Variants in TET3 observed in about 807,000 individuals in gnomAD.
TET3 encodes methylcytosine dioxygenase TET3.
A neutral mutation model predicts 141.4 loss-of-function variants in TET3; 19 were observed. The ratio of observed to expected loss-of-function variants is 0.13; its 90% CI spans 0.09 to 0.20. The LOEUF (loss-of-function observed/expected upper bound fraction) is 0.20. Ranked by LOEUF, TET3 falls within the 10% of genes least tolerant of loss-of-function variation. TET3 has a pLI of 1.00. For synonymous variants in TET3, 1,043 were observed against 980.9 expected (o/e 1.06, Z -1.18); for missense variants, 1,874 against 2,356.9 (o/e 0.80, Z 4.24).
At chr2:73,988,933 T>A (rs1444201768) in intron 2 of TET3, among the ~76,000 whole-genome samples, 2 of 149,564 alleles carry the variant, frequency 1.3e-5, no homozygotes, top group African/African-American at 5.0e-5. Flanking sequence ...TTTTTTTAAG[T>A]CTTAGCTTGG....
chr2:74,025,523 G>A (rs1031056849), intron 3 of TET3, among the ~76,000 whole-genome samples: 16 of 151,986 alleles, frequency 1.1e-4, no homozygotes, highest in African/African-American at 2.4e-5. Flanking sequence ...TCCTGATGTC[G>A]TGATCCGCTG....
At chr2:74,024,686 C>T (rs888852025) in intron 3 of TET3, among the ~76,000 whole-genome samples, 11 of 152,210 alleles carry the variant, frequency 7.2e-5, no homozygotes, top group South Asian at 2.1e-4. Flanking sequence ...GTTTCCTGTT[C>T]CTCGTTGTAA....
chr2:74,004,026 C>G (rs897421928), intron 3 of TET3, among the ~76,000 whole-genome samples: 1 of 152,140 alleles, frequency 6.6e-6, no homozygotes, highest in Non-Finnish European at 1.5e-5. Context: ...TGGGATTACT[C>G]AGCAGTATCC....
the TET3 span, chr2:74,122,511 A>ATTTTTTTTT: frequency 1.9e-3 from 88 of 47,546 alleles, 2 homozygotes; most frequent in East Asian, 2.7e-3. Context: ...ATATATATAT[A>ATTTTTTTTT]TTTTTTTTTT....
At chr2:74,022,552 C>T (rs1686111393) in intron 3 of TET3, among the ~76,000 whole-genome samples, 4 of 151,200 alleles carry the variant, frequency 2.6e-5, no homozygotes, top group Admixed American at 1.3e-4. Flanking sequence ...AATCTAGCTC[C>T]AGTAGTTAAT....
chr2:74,048,004 C>T lies in TET3; in HGVS notation c.2087C>T (p.Ser696Phe), dbSNP rs898046651. ...PSPMTALQPG[S>F]TGPLPPADDK... ...CCCATGACAGCCTTGCAGCCAGGCT[C>T]CACTGGCCCTCTTCCCCCTGCCGAT... is the stretch of plus-strand genomic sequence containing the variant. Residue 696 changes from serine to phenylalanine, a missense_variant, in exon 4 of 12, where the codon TCC becomes TTC. Physicochemically the swap from Ser to Phe is radical, Grantham distance 155. This residue lies in a region of TET3 where 484 missense variants were observed against 462.2 expected (regional missense o/e 1.05). Coordinates refer to ENST00000409262, the MANE Select transcript of TET3 (RefSeq NM_001287491.2). 1.2e-6 allele frequency: 2 copies of T among 1,609,028 alleles called. No homozygotes were observed. The highest frequency in any genetic ancestry group is 1.3e-5 in the African/African-American group (1 of 74,872).
At position 74,035,842 on chromosome 2, in the gene TET3, T is replaced by C. The variant is rs140843201; in HGVS notation, c.361-10436T>C. Among the ~76,000 whole-genome samples, 5 of 151,896 alleles carry C rather than the reference T, an allele frequency of 3.3e-5. No individual in the cohort carries two copies. The East Asian group carries it at 9.7e-4, about 30-fold the overall frequency. ...GCCTGACCAACATAATGAAACCCCTTCTCTACTAAATAAATAAATAAGCAA... is the reference window on the plus strand; with the variant it reads ...GCCTGACCAACATAATGAAACCCCTCCTCTACTAAATAAATAAATAAGCAA... On this transcript the variant is annotated intron_variant, in intron 3 of 11. Coordinates refer to ENST00000409262, the MANE Select transcript of TET3 (RefSeq NM_001287491.2).
intron 3 of TET3, among the ~76,000 whole-genome samples, chr2:74,011,849 G>A (rs950677472): frequency 6.6e-6 from 1 of 151,302 alleles, no homozygotes; most frequent in Non-Finnish European, 1.5e-5. Flanking sequence ...ATCAGCCTAG[G>A]CAACATAGCG....
At chr2:74,120,298 C>G in the TET3 span, among the ~76,000 whole-genome samples, 1 of 152,196 alleles carries the variant, frequency 6.6e-6, no homozygotes, top group Non-Finnish European at 1.5e-5. Flanking sequence ...GCCTCCACGG[C>G]GGCAGGGGGC....
intron 3 of TET3, among the ~76,000 whole-genome samples, chr2:74,019,461 C>G (rs1685912865): frequency 6.6e-6 from 1 of 152,150 alleles, no homozygotes; most frequent in African/African-American, 2.4e-5. Flanking sequence ...ACTTCTGTCC[C>G]TTTCTCCCTC....
intron 6 of TET3, among the ~76,000 whole-genome samples, chr2:74,086,379 TA>T (rs879469992): frequency 0.025 from 3,554 of 144,920 alleles, 137 homozygotes; most frequent in African/African-American, 0.08. Context: ...GGCTCTCGCT[TA>T]AAAAAAAAAA....
At chr2:74,026,451 G>A (rs992758494) in intron 3 of TET3, among the ~76,000 whole-genome samples, 2 of 152,154 alleles carry the variant, frequency 1.3e-5, no homozygotes, top group African/African-American at 4.8e-5. Flanking sequence ...GGTATGTCCC[G>A]AGGGTGAGCC....
At chr2:74,099,203 G>C in intron 10 of TET3, 73 bp from the exon 11 acceptor site, 2 of 1,358,912 alleles carry the variant, frequency 1.5e-6, no homozygotes, top group East Asian at 2.5e-5. Context: ...ATGTGTTTTG[G>C]GTGCTCAGAC....
chr2:74,124,278 C>T, the TET3 span, among the ~76,000 whole-genome samples: 4 of 150,720 alleles, frequency 2.7e-5, no homozygotes, highest in Admixed American at 6.6e-5. Context: ...GGTCAGCCCC[C>T]GCCCAGCCAG....
intron 2 of TET3, among the ~76,000 whole-genome samples, chr2:73,999,858 C>T (rs186324614): frequency 2.0e-5 from 3 of 152,232 alleles, no homozygotes; most frequent in Admixed American, 2.0e-4. Flanking sequence ...CCTTGAGCCC[C>T]GGCATTCCAC....
At chr2:74,113,408 T>C in the TET3 span, among the ~76,000 whole-genome samples, 1 of 152,060 alleles carries the variant, frequency 6.6e-6, no homozygotes, top group African/African-American at 2.4e-5. Context: ...TCCACTCTCA[T>C]TACTCTTATT....
At chr2:74,079,988 G>A (rs1689715531) in intron 5 of TET3, among the ~76,000 whole-genome samples, 1 of 152,170 alleles carries the variant, frequency 6.6e-6, no homozygotes, top group Admixed American at 6.5e-5. Flanking sequence ...CTCAGAGCTG[G>A]CGTTTGGGCT....
rs1573891012 is a variant in TET3 at position 74,087,196 on chromosome 2, C to T, written c.2680-634C>T. Among the ~76,000 whole-genome samples, 1 of 152,178 alleles carries T rather than the reference C, an allele frequency of 6.6e-6. No individual in the cohort carries two copies. The highest frequency in any genetic ancestry group is 1.5e-5 in the Non-Finnish European group (1 of 68,038). On this transcript the variant is annotated intron_variant, in intron 6 of 11. Coordinates refer to ENST00000409262, the MANE Select transcript of TET3 (RefSeq NM_001287491.2). The surrounding 1 kb of genome is among the most constrained non-coding windows in gnomAD (Gnocchi z 4.3). ...AATACTTGGTTGTCTGTCTATACCA[C>T]GTCGTACTTACCTGTTCATCAACCG...
Position 74,087,815 on chromosome 2 carries a change from C to G in TET3, c.2680-15C>G. On this transcript the variant is annotated splice_polypyrimidine_tract_variant and intron_variant, in intron 6 of 11. Transcript: ENST00000409262. This position sits in a 1 kb window ranked among gnomAD's most constrained non-coding sequence, Gnocchi z 4.3. ...GGTACCTGGCTCCTGCCCCTCACAC[C>G]CTGCGTCCCTGCAGGTGATCCGCAG... The G allele has an allele frequency of 6.5e-7, 1 of 1,541,548 alleles. No homozygotes were observed. The highest frequency in any genetic ancestry group is 2.5e-5 in the East Asian group (1 of 40,784).
Sources: allele counts gnomAD v4.1 joint callset (sites outside exome capture counted in the v4.1 genomes callset), GRCh38; gene constraint gnomAD v4.1.1; regional missense constraint gnomAD v4.1.1; non-coding constraint Gnocchi (gnomAD v3.1); transcripts MANE v1.5; gene names NCBI Gene and HGNC (gene_info 2026-07-23, HGNC 2026-07-21).